RASEF: variants seen among roughly 807,000 people sequenced by gnomAD.
RASEF encodes the protein ras and EF-hand domain-containing protein.
A neutral mutation model predicts 90.1 loss-of-function variants in RASEF; 68 were observed. That is an observed-to-expected ratio of 0.75 (90% confidence interval 0.62 to 0.92). RASEF has a LOEUF of 0.92. Among genes scored for constraint, RASEF ranks in the 40% least tolerant of loss-of-function variants. The probability of loss-of-function intolerance (pLI) is 0.00; values close to 1 mark genes in which losing one functional copy is unlikely to be tolerated. For missense variants in RASEF, 949 were observed against 937.2 expected (o/e 1.01, Z -0.16); for synonymous variants, 331 against 345.2 (o/e 0.96, Z 0.46).
At chr9:83,191,960 G>C in the RASEF span, among the ~76,000 whole-genome samples, 47 of 152,238 alleles carry the variant, frequency 3.1e-4, no homozygotes, top group African/African-American at 9.9e-4. Flanking sequence ...TCAGTAGAGA[G>C]CTTTAGATGA....
intron 8 of RASEF, 124 bp from the exon 9 acceptor site, chr9:83,004,710 C>T: frequency 1.6e-6 from 1 of 623,544 alleles, no homozygotes; most frequent in Non-Finnish European, 2.8e-6. Context: ...TCTAATGTAA[C>T]TAAAAGTTTG....
chr9:83,183,007 C>T, the RASEF span, among the ~76,000 whole-genome samples: 30 of 152,002 alleles, frequency 2.0e-4, no homozygotes, highest in South Asian at 6.0e-3. Context: ...TGCCTAAGAC[C>T]GGGGTGAAGG....
At chr9:83,212,668 C>T in the RASEF span, among the ~76,000 whole-genome samples, 1 of 152,218 alleles carries the variant, frequency 6.6e-6, no homozygotes, top group Non-Finnish European at 1.5e-5. Context: ...AAGAAATAAG[C>T]TTTGCCTCCC....
the RASEF span, among the ~76,000 whole-genome samples, chr9:83,089,668 G>A: frequency 6.6e-6 from 1 of 152,112 alleles, no homozygotes; most frequent in South Asian, 2.1e-4. Context: ...TCCTTTGTAG[G>A]TGATTTGTTG....
At chr9:83,191,662 T>C in the RASEF span, among the ~76,000 whole-genome samples, 38,187 of 152,084 alleles carry the variant, frequency 0.25, 8,008 homozygotes, top group African/African-American at 0.54. Context: ...GCTCATGATG[T>C]TTAAAAGCCT....
the RASEF span, among the ~76,000 whole-genome samples, chr9:83,151,999 G>C: frequency 1.3e-5 from 2 of 152,160 alleles, no homozygotes; most frequent in Non-Finnish European, 2.9e-5. Flanking sequence ...ACCAGAGGCT[G>C]TTTGTGCTGG....
chr9:83,142,055 T>G, the RASEF span, among the ~76,000 whole-genome samples: 26 of 152,322 alleles, frequency 1.7e-4, no homozygotes, highest in African/African-American at 5.5e-4. Flanking sequence ...ACAGCTCTAA[T>G]GAGCTCACCA....
rs34303676 is a variant in RASEF at position 82,998,439 on chromosome 9, A to G, written c.1731T>C (p.Asp577=). The G allele has an allele frequency of 0.03, 48,687 of 1,602,964 alleles. 923 individuals are homozygous for G. Among genetic ancestry groups the G allele is most frequent in the Middle Eastern group, 0.05 (299 of 6,032 alleles). ...CCACAATGAGGGTTTTCATTTGGAAATCAACTCCTGAAAAGGAATGTGAGA... is the reference window on the plus strand; with the variant it reads ...CCACAATGAGGGTTTTCATTTGGAAGTCAACTCCTGAAAAGGAATGTGAGA... The part of the protein sequence containing the change: ...RENISATLGV[D]FQMKTLIVDG... Residue 577 remains aspartate (D), a synonymous_variant, in exon 13 of 17, where the codon GAT becomes GAC. Coordinates refer to ENST00000376447, the MANE Select transcript of RASEF (RefSeq NM_152573.4).
At chr9:83,132,176 A>G in the RASEF span, among the ~76,000 whole-genome samples, 1 of 152,292 alleles carries the variant, frequency 6.6e-6, no homozygotes, top group African/African-American at 2.4e-5. Context: ...ATAACTTCCA[A>G]GATTATGTCA....
the RASEF span, among the ~76,000 whole-genome samples, chr9:83,088,364 A>AGATG: frequency 5.8e-5 from 7 of 121,600 alleles, no homozygotes; most frequent in Non-Finnish European, 1.2e-4. Context: ...ACAGAGATAT[A>AGATG]GATAGATGGA....
At chr9:83,142,697 A>G in the RASEF span, among the ~76,000 whole-genome samples, 1 of 152,110 alleles carries the variant, frequency 6.6e-6, no homozygotes, top group African/African-American at 2.4e-5. Context: ...GGAGCTTAAC[A>G]CCTTTCAAGG....
the RASEF span, among the ~76,000 whole-genome samples, chr9:83,176,696 A>G: frequency 6.6e-6 from 1 of 151,932 alleles, no homozygotes; most frequent in East Asian, 1.9e-4. Flanking sequence ...AACTTATCAA[A>G]ATCGACTTAA....
the RASEF span, among the ~76,000 whole-genome samples, chr9:83,181,075 T>C: frequency 9.3e-5 from 14 of 150,502 alleles, no homozygotes; most frequent in Admixed American, 2.7e-4. Context: ...GCACCCCTTT[T>C]ACTCTCAAAT....
At chr9:83,126,183 C>G in the RASEF span, among the ~76,000 whole-genome samples, 4 of 152,052 alleles carry the variant, frequency 2.6e-5, no homozygotes, top group Non-Finnish European at 5.9e-5. Context: ...ACCCTAACCC[C>G]AATGTGATGG....
At chr9:83,011,918 T>C (rs1384351536) in intron 5 of RASEF, among the ~76,000 whole-genome samples, 1 of 152,108 alleles carries the variant, frequency 6.6e-6, no homozygotes, top group Non-Finnish European at 1.5e-5. Context: ...GCAGTGAAAA[T>C]ATTTAGAATC....
At chr9:83,187,483 G>C in the RASEF span, among the ~76,000 whole-genome samples, 1 of 152,096 alleles carries the variant, frequency 6.6e-6, no homozygotes, top group Admixed American at 6.5e-5. Flanking sequence ...CAGTGACCTT[G>C]ATGATAAAAG....
At chr9:83,015,707 G>T (rs1587496709) in intron 4 of RASEF, 98 bp downstream of exon 4, 2 of 872,116 alleles carry the variant, frequency 2.3e-6, no homozygotes, top group East Asian at 2.4e-5. Flanking sequence ...TGATCTATCC[G>T]CCACTTCAAT....
At chr9:83,192,599 A>G in the RASEF span, among the ~76,000 whole-genome samples, 2 of 152,116 alleles carry the variant, frequency 1.3e-5, no homozygotes, top group Non-Finnish European at 2.9e-5. Context: ...AAAAATAACT[A>G]TTGATAACTA....
intron 14 of RASEF, 131 bp from the exon 15 acceptor site, chr9:82,993,156 C>G (rs760540753): frequency 1.8e-5 from 15 of 827,312 alleles, no homozygotes; most frequent in Non-Finnish European, 2.6e-5. Flanking sequence ...TAGAGGATAT[C>G]TTTAAACCTC....
Sources: allele counts gnomAD v4.1 joint callset (sites outside exome capture counted in the v4.1 genomes callset), GRCh38; gene constraint gnomAD v4.1.1; transcripts MANE v1.5; gene names NCBI Gene and HGNC (gene_info 2026-07-23, HGNC 2026-07-21).